The following CLEC4C variants were observed in gnomAD, a reference collection of about 807,000 sequenced individuals.
CLEC4C encodes the protein C-type lectin domain family 4 member C, also known as C-type (calcium dependent, carbohydrate-recognition domain) lectin, superfamily member 11.
CLEC4C carries 17 observed loss-of-function variants against 27.7 expected under a neutral mutation model. The observed-to-expected ratio is 0.61, with a 90% CI of 0.42 to 0.92. The LOEUF is 0.92. CLEC4C is among the 40% of genes least tolerant of loss of function. CLEC4C has a pLI of 0.00. For missense variants in CLEC4C, 244 were observed against 257.3 expected (o/e 0.95, Z 0.35); for synonymous variants, 80 against 80.8 (o/e 0.99, Z 0.06).
chr12:7,742,661 T>G (rs571605296), intron 2 of CLEC4C, among the ~76,000 whole-genome samples: 21 of 150,660 alleles, frequency 1.4e-4, no homozygotes, highest in Non-Finnish European at 2.7e-4. Context: ...ATACAAAAAT[T>G]AGCCAGGCGT....
At chr12:7,740,803 C>T (rs1307084758) in intron 3 of CLEC4C, among the ~76,000 whole-genome samples, 1 of 151,232 alleles carries the variant, frequency 6.6e-6, no homozygotes, top group Non-Finnish European at 1.5e-5. Flanking sequence ...GGAAGTGAGA[C>T]AGTTCTGAGG....
At chr12:7,740,339 G>C (rs748352902) in intron 3 of CLEC4C, among the ~76,000 whole-genome samples, 1 of 152,198 alleles carries the variant, frequency 6.6e-6, no homozygotes, top group African/African-American at 2.4e-5. Context: ...GAACTGTATA[G>C]GGAGAGGGAT....
At chr12:7,733,094 G>C (rs369115377) in intron 4 of CLEC4C, among the ~76,000 whole-genome samples, 1 of 151,992 alleles carries the variant, frequency 6.6e-6, no homozygotes, top group East Asian at 1.9e-4. Context: ...AGATAGTGTG[G>C]CTGTCTCCAT....
At chr12:7,739,269 C>A (rs761703800) in intron 3 of CLEC4C, among the ~76,000 whole-genome samples, 8 of 151,868 alleles carry the variant, frequency 5.3e-5, no homozygotes, top group Admixed American at 1.3e-4. Flanking sequence ...CCCGCCACCA[C>A]GCCCAGCTAC....
intron 2 of CLEC4C, among the ~76,000 whole-genome samples, chr12:7,742,036 C>T (rs184142928): frequency 6.7e-6 from 1 of 150,306 alleles, no homozygotes. Context: ...AACAATTAGC[C>T]AAGGGTGGTG....
At chr12:7,737,986 C>A (rs1471498462) in intron 3 of CLEC4C, among the ~76,000 whole-genome samples, 2 of 152,150 alleles carry the variant, frequency 1.3e-5, no homozygotes, top group East Asian at 1.9e-4. Context: ...CTGCTTTAAA[C>A]CCACAAAAAT....
intron 4 of CLEC4C, among the ~76,000 whole-genome samples, chr12:7,734,951 A>G (rs1864688881): frequency 6.6e-6 from 1 of 152,018 alleles, no homozygotes. Flanking sequence ...CTATAACCCC[A>G]GCACTTTGGG....
At chr12:7,730,678 T>G (rs974919763) in intron 5 of CLEC4C, 119 bp downstream of exon 5, 10 of 503,182 alleles carry the variant, frequency 2.0e-5, no homozygotes, top group Middle Eastern at 4.5e-4. Flanking sequence ...TGATGTCAAA[T>G]AGACCTAGGT....
At chr12:7,747,622 G>A, upstream of CLEC4C, 2 of 274,846 alleles carry the variant, frequency 7.3e-6, no homozygotes, top group East Asian at 6.6e-5. Flanking sequence ...ATGGTTGCAG[G>A]TCTGATTGTC....
intron 4 of CLEC4C, among the ~76,000 whole-genome samples, chr12:7,734,486 T>G (rs1300046942): frequency 6.6e-6 from 1 of 151,946 alleles, no homozygotes; most frequent in Non-Finnish European, 1.5e-5. Flanking sequence ...GTAGGACTTG[T>G]GCCAAGGCAT....
Position 7,729,738 on chromosome 12 carries a change from A to C in CLEC4C, c.500T>G (p.Phe167Cys). 3 of 1,613,778 alleles carry C rather than the reference A, an allele frequency of 1.9e-6. No homozygotes were observed. The highest frequency in any genetic ancestry group is 2.5e-6 in the Non-Finnish European group (3 of 1,179,822). ...GTTATTGGGTTCACCTGAGTGCCAGAATCTGAAAGGTAGATAAAGGACAGT... is the reference window on the plus strand; with the variant it reads ...GTTATTGGGTTCACCTGAGTGCCAGCATCTGAAAGGTAGATAAAGGACAGT... The part of the protein sequence containing the change: ...DQTPYNENVT[F>C]WHSGEPNNLD... The change falls in exon 6 of 6, where the codon TTC becomes TGC. Residue 167 changes from phenylalanine (F) to cysteine (C), a missense_variant and splice_region_variant. Phe to Cys is a radical substitution (Grantham distance 205). Coordinates refer to ENST00000360345, the MANE Select transcript of CLEC4C (RefSeq NM_001371390.1).
At chr12:7,739,574 C>T (rs1439131037) in intron 3 of CLEC4C, among the ~76,000 whole-genome samples, 1 of 152,116 alleles carries the variant, frequency 6.6e-6, no homozygotes, top group Non-Finnish European at 1.5e-5. Flanking sequence ...GACCAATTAT[C>T]CCTGAGGAGG....
At chr12:7,745,431 T>TTC (rs1164880828) in intron 2 of CLEC4C, among the ~76,000 whole-genome samples, 2 of 121,428 alleles carry the variant, frequency 1.6e-5, no homozygotes, top group East Asian at 4.8e-4. Context: ...ATGCTTTTTT[T>TTC]TTTTTTTTTT....
chr12:7,737,250 AG>A (rs2120393564), intron 4 of CLEC4C, among the ~76,000 whole-genome samples, 178 bp downstream of exon 4: 1 of 151,788 alleles, frequency 6.6e-6, no homozygotes, highest in Admixed American at 6.6e-5. Context: ...TAAAAATAAA[AG>A]TCATTTTTGA....
chr12:7,730,671 T>G (rs1019184809), intron 5 of CLEC4C, 126 bp downstream of exon 5: 9 of 537,920 alleles, frequency 1.7e-5, no homozygotes, highest in Non-Finnish European at 2.7e-5. Flanking sequence ...CAACCCTTGA[T>G]GTCAAATAGA....
chr12:7,730,638 C>CT, intron 5 of CLEC4C, 159 bp downstream of exon 5: 1 of 385,310 alleles, frequency 2.6e-6, no homozygotes. Flanking sequence ...AGACTCTTGT[C>CT]TAAAAAAAAA....
At chr12:7,739,959 C>T (rs368688833) in intron 3 of CLEC4C, among the ~76,000 whole-genome samples, 4 of 151,912 alleles carry the variant, frequency 2.6e-5, no homozygotes, top group African/African-American at 7.2e-5. Context: ...CTCAGCCTCC[C>T]GAGTTGCTGG....
chr12:7,748,625 A>C (rs1700622314), upstream of CLEC4C, among the ~76,000 whole-genome samples: 1 of 152,130 alleles, frequency 6.6e-6, no homozygotes, highest in Non-Finnish European at 1.5e-5. Context: ...GAAACAACTT[A>C]AAGTCCTGTT....
intron 1 of CLEC4C, 52 bp from the exon 2 acceptor site, chr12:7,746,475 C>A: frequency 8.6e-7 from 1 of 1,162,050 alleles, no homozygotes; most frequent in South Asian, 1.3e-5. Context: ...TGCCAAAGAG[C>A]CAGGAAACCA....
Sources: gnomAD v4.1 joint callset for allele counts (sites outside exome capture counted in the v4.1 genomes callset) on GRCh38, gnomAD v4.1.1 for gene constraint, MANE v1.5 for transcripts, NCBI Gene and HGNC (gene_info 2026-07-23, HGNC 2026-07-21) for gene names.